RASEF: variants seen among roughly 807,000 people sequenced by gnomAD.
The protein encoded by RASEF is ras and EF-hand domain-containing protein.
A neutral mutation model predicts 90.1 loss-of-function variants in RASEF; 68 were observed. The observed-to-expected ratio is 0.75, with a 90% confidence interval of 0.62 to 0.92. The LOEUF (loss-of-function observed/expected upper bound fraction) is 0.92. RASEF is among the 40% of genes least tolerant of loss of function. RASEF has a pLI of 0.00. For missense variants in RASEF, 949 were observed against 937.2 expected (o/e 1.01, Z -0.16); for synonymous variants, 331 against 345.2 (o/e 0.96, Z 0.46).
chr9:83,215,025 G>A, the RASEF span, among the ~76,000 whole-genome samples: 57 of 151,624 alleles, frequency 3.8e-4, no homozygotes, highest in African/African-American at 1.2e-3. Flanking sequence ...ACAAAGAGAT[G>A]AGACAAGCAG....
the RASEF span, among the ~76,000 whole-genome samples, chr9:83,172,932 T>C: frequency 6.6e-6 from 1 of 151,972 alleles, no homozygotes; most frequent in Admixed American, 6.6e-5. Context: ...TAGCATTTCT[T>C]GTAAGATAAA....
chr9:82,991,453 TAATA>T (rs1398815062), intron 15 of RASEF, among the ~76,000 whole-genome samples: 1 of 152,144 alleles, frequency 6.6e-6, no homozygotes, highest in Non-Finnish European at 1.5e-5. Context: ...CATTTTCTCT[TAATA>T]AAGGAGAACT....
chr9:83,176,430 T>A, the RASEF span, among the ~76,000 whole-genome samples: 2 of 152,140 alleles, frequency 1.3e-5, no homozygotes, highest in East Asian at 1.9e-4. Context: ...TCTTTTTCTA[T>A]CCTATCTGAA....
At chr9:83,030,334 G>A (rs1018984907) in intron 1 of RASEF, among the ~76,000 whole-genome samples, 2 of 151,322 alleles carry the variant, frequency 1.3e-5, no homozygotes, top group African/African-American at 4.9e-5. Flanking sequence ...TCCAGCCTGG[G>A]TGACAGAGTG....
the RASEF span, among the ~76,000 whole-genome samples, chr9:83,085,483 A>G: frequency 1.3e-5 from 2 of 151,944 alleles, no homozygotes. Flanking sequence ...AAAATACAAA[A>G]ATTAGCCAGG....
At chr9:83,217,269 T>C in the RASEF span, among the ~76,000 whole-genome samples, 2 of 152,186 alleles carry the variant, frequency 1.3e-5, no homozygotes, top group Non-Finnish European at 1.5e-5. Context: ...GGGATTTGCC[T>C]TGTCTCAGAT....
the RASEF span, among the ~76,000 whole-genome samples, chr9:83,178,819 A>G: frequency 1.3e-5 from 2 of 152,158 alleles, no homozygotes; most frequent in African/African-American, 4.8e-5. Context: ...TATTGTTTTT[A>G]GAAATGGGTT....
chr9:83,004,021 C>T (rs2118461094), intron 9 of RASEF, among the ~76,000 whole-genome samples: 1 of 152,262 alleles, frequency 6.6e-6, no homozygotes, highest in East Asian at 1.9e-4. Flanking sequence ...GTGACTCCTT[C>T]AATACAGTAG....
chr9:83,146,733 C>T, the RASEF span, among the ~76,000 whole-genome samples: 1 of 152,164 alleles, frequency 6.6e-6, no homozygotes, highest in East Asian at 1.9e-4. Flanking sequence ...TCTAAAATCT[C>T]AGGAACATTT....
At chr9:83,104,496 ATGT>A in the RASEF span, among the ~76,000 whole-genome samples, 1 of 152,178 alleles carries the variant, frequency 6.6e-6, no homozygotes, top group Non-Finnish European at 1.5e-5. Context: ...TTCAATCAAA[ATGT>A]TGTATGCAAC....
chr9:83,033,414 T>C (rs1399602759), intron 1 of RASEF, among the ~76,000 whole-genome samples: 2 of 152,270 alleles, frequency 1.3e-5, no homozygotes, highest in East Asian at 1.9e-4. Flanking sequence ...CCCTGAAGTA[T>C]GCATAGATGT....
At chr9:83,088,587 T>C in the RASEF span, among the ~76,000 whole-genome samples, 1 of 152,048 alleles carries the variant, frequency 6.6e-6, no homozygotes, top group East Asian at 1.9e-4. Context: ...GCTTCATGTA[T>C]TTTGGGCCTC....
chr9:82,990,845 G>A (rs983500856), intron 15 of RASEF, among the ~76,000 whole-genome samples: 4 of 152,058 alleles, frequency 2.6e-5, no homozygotes, highest in African/African-American at 9.7e-5. Context: ...TTTCCCTTTG[G>A]CCAGCAGCTA....
chr9:83,188,838 T>C, the RASEF span, among the ~76,000 whole-genome samples: 3 of 152,292 alleles, frequency 2.0e-5, no homozygotes, highest in South Asian at 4.1e-4. Context: ...GCCATCTTAT[T>C]GGTATTAGTC....
Position 83,000,241 on chromosome 9 carries a change from C to T in RASEF, c.1651G>A (p.Ala551Thr). The change falls in exon 12 of 17, where the codon GCA becomes ACA. Residue 551 changes from alanine (A) to threonine (T), a missense_variant. Ala to Thr is a moderately conservative substitution (Grantham distance 58, BLOSUM62 0). Coordinates refer to ENST00000376447, the MANE Select transcript of RASEF (RefSeq NM_152573.4). ...AYKIVLAGDA[A>T]VGKSSFLMRL... ...ATGAGGAAACTAGACTTCCCCACTG[C>T]AGCGTCCCCAGCAAGTACAATCTTG... 6.2e-7 allele frequency: 1 copy of T among 1,614,022 alleles called. No homozygotes were observed. The highest frequency in any genetic ancestry group is 2.2e-5 in the East Asian group (1 of 44,880).
chr9:83,093,502 T>TG, the RASEF span, among the ~76,000 whole-genome samples: 1 of 152,210 alleles, frequency 6.6e-6, no homozygotes. Flanking sequence ...CTGGCACTGC[T>TG]GGGGGACCCA....
At chr9:83,207,641 G>C in the RASEF span, among the ~76,000 whole-genome samples, 1 of 31,706 alleles carries the variant, frequency 3.2e-5, no homozygotes, top group Non-Finnish European at 5.9e-5. Flanking sequence ...GTCTTGCTCT[G>C]TAGCCCAGGG....
the RASEF span, among the ~76,000 whole-genome samples, chr9:83,121,533 G>A: frequency 6.6e-6 from 1 of 152,098 alleles, no homozygotes; most frequent in Non-Finnish European, 1.5e-5. Flanking sequence ...TCACTAAAAC[G>A]TAATTATGTT....
chr9:83,082,134 G>T, the RASEF span, among the ~76,000 whole-genome samples: 1 of 152,048 alleles, frequency 6.6e-6, no homozygotes, highest in Non-Finnish European at 1.5e-5. Flanking sequence ...TATGATCTTG[G>T]CCCTTGGAAC....
Sources: gnomAD v4.1 joint callset for allele counts (sites outside exome capture counted in the v4.1 genomes callset) on GRCh38, gnomAD v4.1.1 for gene constraint, MANE v1.5 for transcripts, NCBI Gene and HGNC (gene_info 2026-07-23, HGNC 2026-07-21) for gene names.